HMX1: variants seen among roughly 807,000 people sequenced by gnomAD.
HMX1 encodes the protein homeobox protein HMX1.
In HMX1, 8 loss-of-function variants were observed where a neutral mutation model predicts 8.9. The observed-to-expected ratio is 0.90, with a 90% CI of 0.53 to 1.63. HMX1 has a LOEUF of 1.63. Among genes scored for constraint, HMX1 ranks in the 40% most tolerant of loss-of-function variants. The pLI is 0.00. For synonymous variants in HMX1, 311 were observed against 283.4 expected, an observed-to-expected ratio of 1.10 and a Z score of -0.98; for missense variants, 621 against 558.5, an observed-to-expected ratio of 1.11 and a Z score of -1.13.
Position 8,849,628 on chromosome 4 carries a change from C to G in HMX1, c.395-3304G>C, listed in dbSNP as rs1056662158. 6.6e-6 allele frequency among the ~76,000 whole-genome samples: 1 copy of G among 152,156 alleles called. No homozygotes were observed. Among genetic ancestry groups the G allele is most frequent in the African/African-American group, 2.4e-5 (1 of 41,444 alleles). ...GGCAGCCCCAGGACACTCACGGAGA[C>G]ACACGCAGGGCAGCTCTCCTGGGGT... On this transcript the variant is annotated intron_variant, in intron 1 of 1. Coordinates refer to the HMX1 transcript ENST00000506970. This position sits in a 1 kb window ranked among gnomAD's most constrained non-coding sequence, Gnocchi z 6.6.
chr4:8,869,940 G>A (rs1296665115), intron 1 of HMX1, among the ~76,000 whole-genome samples: 2 of 152,186 alleles, frequency 1.3e-5, no homozygotes, highest in Non-Finnish European at 2.9e-5. Flanking sequence ...AAGGGCACTA[G>A]ACAGAGTCGC....
At chr4:8,859,979 T>C (rs182317115) in intron 1 of HMX1, among the ~76,000 whole-genome samples, 16 of 152,332 alleles carry the variant, frequency 1.1e-4, no homozygotes, top group Admixed American at 4.6e-4. Context: ...CAACTGCCCG[T>C]GGTGGGAGTG....
rs1396981739 is a variant in HMX1 at position 8,870,818 on chromosome 4, T to C, written c.394+403A>G. Among the ~76,000 whole-genome samples, 2 of 114,498 alleles carry C rather than the reference T, an allele frequency of 1.7e-5. No individual in the cohort carries two copies. The highest frequency in any genetic ancestry group is 6.8e-5 in the African/African-American group (2 of 29,614). 75.1% of individuals were successfully genotyped at this position (114,498 alleles called of 152,430 possible). ...CTTCCCCTCCCCCCACCCCATTCTC[T>C]CTCCCGCAGCACATTCCTTTCTTCC... On this transcript the variant is annotated intron_variant, in intron 1 of 1. Transcript: ENST00000400677. This position sits in a 1 kb window ranked among gnomAD's most constrained non-coding sequence, Gnocchi z 4.4.
intron 1 of HMX1, among the ~76,000 whole-genome samples, chr4:8,858,198 G>A (rs1219701122): frequency 6.6e-6 from 1 of 152,268 alleles, no homozygotes; most frequent in East Asian, 1.9e-4. Flanking sequence ...AATGAGCGAG[G>A]CCCGGATGTG....
In HMX1 at chr4:8,871,187, C is replaced by T; in HGVS notation, c.394+34G>A. ...TGCGCAGGGAGGAAGTCGGGCCCCACCGCCTGACCCACCCTCCCCGCGCCC... is the reference window on the plus strand; with the variant it reads ...TGCGCAGGGAGGAAGTCGGGCCCCATCGCCTGACCCACCCTCCCCGCGCCC... On this transcript the variant is annotated intron_variant, in intron 1 of 1. Transcript: ENST00000400677. The surrounding 1 kb of genome is among the most constrained non-coding windows in gnomAD (Gnocchi z 4.8). The T allele has an allele frequency of 7.2e-7, 1 of 1,379,684 alleles. No homozygotes were observed. Among genetic ancestry groups the T allele is most frequent in the Non-Finnish European group, 9.3e-7 (1 of 1,070,194 alleles). 85.5% of individuals were successfully genotyped at this position (1,379,684 alleles called of 1,614,324 possible).
intron 1 of HMX1, among the ~76,000 whole-genome samples, chr4:8,854,664 G>A (rs888072852): frequency 3.3e-5 from 5 of 152,192 alleles, no homozygotes; most frequent in African/African-American, 1.2e-4. Context: ...TCATGCCAGA[G>A]AATTTCTTAA....
chr4:8,846,896 G>A (rs143642273), intron 1 of HMX1, among the ~76,000 whole-genome samples: 12 of 152,356 alleles, frequency 7.9e-5, no homozygotes, highest in African/African-American at 2.6e-4. Context: ...TCTCCAGCAT[G>A]TTGTTGTTTT....
At position 8,867,236 on chromosome 4, in the gene HMX1, G is replaced by A. The variant is rs1394680822; in HGVS notation, c.*457C>T. On this transcript the variant is annotated 3_prime_UTR_variant, in exon 2 of 2. Transcript: ENST00000400677. ...GAGGGGTAGCACAGCCCTCCGGGCC[G>A]GCCTGCTGTCTGGGTCCCAGGAAAG... is the stretch of plus-strand genomic sequence containing the variant. 4 of 985,696 alleles carry A rather than the reference G, an allele frequency of 4.1e-6. No homozygotes were observed. Among genetic ancestry groups the A allele is most frequent in the Non-Finnish European group, 4.8e-6 (4 of 830,170 alleles). 61.1% of individuals were successfully genotyped at this position (985,696 alleles called of 1,614,324 possible). A position where few individuals can be genotyped will look rare whatever the true frequency, so the allele number is the denominator to read the frequency against.
intron 1 of HMX1, chr4:8,859,220 C>T (rs1292177613): frequency 1.3e-5 from 2 of 152,136 alleles, no homozygotes; most frequent in Non-Finnish European, 2.9e-5. Flanking sequence ...CAGTGCCACC[C>T]CCAGGATATG....
At chr4:8,862,496 A>T (rs1344368211), downstream of HMX1, among the ~76,000 whole-genome samples, 21 of 152,212 alleles carry the variant, frequency 1.4e-4, 1 homozygote, top group Admixed American at 1.4e-3. Context: ...AGTTCCCTCT[A>T]TTGGCCTCCT....
intron 1 of HMX1, among the ~76,000 whole-genome samples, chr4:8,858,496 C>G (rs2109461016): frequency 6.6e-6 from 1 of 152,326 alleles, no homozygotes; most frequent in African/African-American, 2.4e-5. Flanking sequence ...AAGACCCAGG[C>G]GCCTATTTGA....
Position 8,870,527 on chromosome 4 carries a change from C to G in HMX1, c.394+694G>C, listed in dbSNP as rs539294582. Among the ~76,000 whole-genome samples the G allele has an allele frequency of 8.5e-5, 13 of 152,248 alleles. No homozygotes were observed. Among genetic ancestry groups the G allele is most frequent in the African/African-American group, 1.7e-4 (7 of 41,562 alleles). Reference sequence around the variant, plus strand: ...GAACAGGCTCCCTTCTTGCCTGGCACAGCCCATGCCCCTCAAGGACCAAGA... The same window carrying G: ...GAACAGGCTCCCTTCTTGCCTGGCAGAGCCCATGCCCCTCAAGGACCAAGA... On this transcript the variant is annotated intron_variant, in intron 1 of 1. Coordinates refer to ENST00000400677, the MANE Select transcript of HMX1 (RefSeq NM_018942.3). The surrounding 1 kb of genome is among the most constrained non-coding windows in gnomAD (Gnocchi z 4.4).
chr4:8,853,685 C>T lies in HMX1; in HGVS notation c.395-7361G>A, dbSNP rs922802030. ...TGACCAATATGATGAAACCCCGTCT[C>T]TACTAAAAATACAGAAATTAGCTGG... is the stretch of plus-strand genomic sequence containing the variant. On this transcript the variant is annotated intron_variant, in intron 1 of 1. Coordinates refer to the HMX1 transcript ENST00000506970. The surrounding 1 kb of genome is among the most constrained non-coding windows in gnomAD (Gnocchi z 4.7). Among the ~76,000 whole-genome samples, 3 of 152,086 alleles carry T rather than the reference C, an allele frequency of 2.0e-5. No individual in the cohort carries two copies. The highest frequency in any genetic ancestry group is 7.2e-5 in the African/African-American group (3 of 41,414).
At chr4:8,857,496 G>A (rs1010778759) in intron 1 of HMX1, among the ~76,000 whole-genome samples, 1 of 152,144 alleles carries the variant, frequency 6.6e-6, no homozygotes, top group Non-Finnish European at 1.5e-5. Context: ...TTCCGCACCC[G>A]GTGGGGCGCG....
chr4:8,846,488 A>C (rs951284805), intron 1 of HMX1, among the ~76,000 whole-genome samples: 2 of 152,226 alleles, frequency 1.3e-5, no homozygotes, highest in African/African-American at 4.8e-5. Context: ...GAACTTGTCA[A>C]CATGGGGGTT....
At chr4:8,856,643 T>G (rs1335675739) in intron 1 of HMX1, among the ~76,000 whole-genome samples, 1 of 152,164 alleles carries the variant, frequency 6.6e-6, no homozygotes, top group African/African-American at 2.4e-5. Context: ...ACTCTTAAAT[T>G]TGTGCTTTTC....
downstream of HMX1, among the ~76,000 whole-genome samples, chr4:8,864,345 C>T (rs535631868): frequency 2.6e-5 from 4 of 152,028 alleles, no homozygotes; most frequent in South Asian, 4.2e-4. Context: ...CACTGGTGCT[C>T]GGAGCTGTGC....
downstream of HMX1, among the ~76,000 whole-genome samples, chr4:8,866,732 A>G (rs547670558): frequency 5.1e-4 from 77 of 152,350 alleles, no homozygotes; most frequent in African/African-American, 1.7e-3. Context: ...CCTGTGACGA[A>G]TGCCAGCGGC....
At position 8,868,039 on chromosome 4, in the gene HMX1, G is replaced by C. The variant is rs1722074919; in HGVS notation, c.701C>G (p.Ala234Gly). The C allele has an allele frequency of 5.2e-6, 8 of 1,534,258 alleles. No individual in the cohort carries two copies. Among genetic ancestry groups the C allele is most frequent in the Non-Finnish European group, 7.0e-6 (8 of 1,142,500 alleles). Reference protein sequence around the residue: ...LKRYLSSAERAGLAASLQLTE... With the variant: ...LKRYLSSAERGGLAASLQLTE... ...GAGCTGCAGGGAGGCGGCCAGGCCG[G>C]CGCGCTCGGCGCTGCTCAGGTAGCG... Residue 234 changes from alanine (A) to glycine (G), a missense_variant, in exon 2 of 2, where the codon GCC becomes GGC. Physicochemically the swap from Ala to Gly is moderately conservative, Grantham distance 60 (BLOSUM62 0). Transcript: ENST00000400677. This position sits in a 1 kb window ranked among gnomAD's most constrained non-coding sequence, Gnocchi z 4.6.
Sources: gnomAD v4.1 joint callset for allele counts (sites outside exome capture counted in the v4.1 genomes callset) on GRCh38, gnomAD v4.1.1 for gene constraint, Gnocchi (gnomAD v3.1) non-coding constraint, MANE v1.5 for transcripts, NCBI Gene and HGNC (gene_info 2026-07-23, HGNC 2026-07-21) for gene names.